Variants in FAM107B observed in about 807,000 individuals in gnomAD.
The protein encoded by FAM107B is family with sequence similarity 107 member B, also known as protein FAM107B.
Under a neutral mutation model 31.5 loss-of-function variants are expected in FAM107B, and 21 were observed. That is an observed-to-expected ratio of 0.67 (90% CI 0.47 to 0.96). The LOEUF (loss-of-function observed/expected upper bound fraction) is 0.96, where lower values mean the gene tolerates loss of function less well. Among genes scored for constraint, FAM107B ranks in the 40% least tolerant of loss-of-function variants. FAM107B has a pLI of 0.00. For synonymous variants in FAM107B, 157 were observed against 141.5 expected (o/e 1.11, Z -0.78); for missense variants, 452 against 377.1 (o/e 1.20, Z -1.64).
At chr10:14,770,106 T>C (rs1290847540) in intron 1 of FAM107B, among the ~76,000 whole-genome samples, 1 of 152,150 alleles carries the variant, frequency 6.6e-6, no homozygotes, top group Non-Finnish European at 1.5e-5. Context: ...ATTCTGCCTG[T>C]TTACCCAATG....
At chr10:14,542,193 G>A (rs1316809630) in intron 2 of FAM107B, among the ~76,000 whole-genome samples, 2 of 150,752 alleles carry the variant, frequency 1.3e-5, no homozygotes, top group Admixed American at 6.6e-5. Context: ...TCGCTTGAAC[G>A]CAGGAGGCAG....
At chr10:14,742,223 C>T (rs1459717358) in intron 1 of FAM107B, among the ~76,000 whole-genome samples, 1 of 151,946 alleles carries the variant, frequency 6.6e-6, no homozygotes, top group Non-Finnish European at 1.5e-5. Flanking sequence ...CTCAAGCAGT[C>T]CTCCCACCTT....
chr10:14,667,564 CT>C, intron 2 of FAM107B, 69 bp downstream of exon 2: 1 of 1,530,230 alleles, frequency 6.5e-7, no homozygotes, highest in South Asian at 1.2e-5. Flanking sequence ...TCTGAAAAGC[CT>C]TAGGATGCTC....
intron 1 of FAM107B, chr10:14,723,703 T>C: frequency 2.6e-6 from 2 of 756,032 alleles, no homozygotes; most frequent in South Asian, 2.7e-5. Context: ...AAGTCATGGC[T>C]CCCAGAAGGC....
chr10:14,723,875 C>T (rs1564273690), intron 1 of FAM107B: 2 of 753,978 alleles, frequency 2.7e-6, no homozygotes, highest in African/African-American at 1.7e-5. Context: ...GCATGAACTG[C>T]CAGCAGAAGC....
intron 2 of FAM107B, among the ~76,000 whole-genome samples, chr10:14,643,226 T>C (rs1454545376): frequency 2.0e-5 from 3 of 152,032 alleles, no homozygotes; most frequent in Non-Finnish European, 2.9e-5. Context: ...GTGGAGTTGA[T>C]GGCATAATTT....
In FAM107B at chr10:14,521,048, T is replaced by C. The variant is rs965630611; in HGVS notation, c.*142A>G. 16 of 692,926 alleles carry C rather than the reference T, an allele frequency of 2.3e-5. No individual in the cohort carries two copies. The highest frequency in any genetic ancestry group is 2.1e-4 in the Admixed American group (8 of 38,918). The allele number at this position is 692,926 out of a possible 1,614,324, so 42.9% of individuals were successfully genotyped here. A position where few individuals can be genotyped will look rare whatever the true frequency, so the allele number is the denominator to read the frequency against. On this transcript the variant is annotated 3_prime_UTR_variant, in exon 5 of 5. Coordinates refer to ENST00000181796, the MANE Select transcript of FAM107B (RefSeq NM_031453.4). ...ACAGGCAAGGCATCCACCCAGATCG[T>C]AGGAAAATCAAACCAAATCCTACTG...
At chr10:14,593,452 C>T (rs928383351) in intron 2 of FAM107B, among the ~76,000 whole-genome samples, 4 of 151,934 alleles carry the variant, frequency 2.6e-5, no homozygotes, top group Admixed American at 6.5e-5. Context: ...CTGAGGTGGG[C>T]GGATCACTTG....
At chr10:14,742,198 C>A (rs948015938) in intron 1 of FAM107B, among the ~76,000 whole-genome samples, 5 of 152,042 alleles carry the variant, frequency 3.3e-5, no homozygotes, top group African/African-American at 9.7e-5. Context: ...CTCACTGTAG[C>A]CTCAACCTCC....
chr10:14,637,958 AC>A (rs1853545232), intron 2 of FAM107B, among the ~76,000 whole-genome samples: 1 of 152,184 alleles, frequency 6.6e-6, no homozygotes. Flanking sequence ...CAAGCAGACA[AC>A]CTAGCCACGC....
chr10:14,639,672 T>C (rs1301794073), intron 2 of FAM107B, among the ~76,000 whole-genome samples: 1 of 152,186 alleles, frequency 6.6e-6, no homozygotes, highest in Admixed American at 6.5e-5. Context: ...GGTTATGGTA[T>C]TGTCCAGCTT....
intron 2 of FAM107B, among the ~76,000 whole-genome samples, chr10:14,572,736 A>ATTAT (rs1455058375): frequency 1.6e-4 from 14 of 86,468 alleles, no homozygotes; most frequent in African/African-American, 5.6e-4. Context: ...AAAAAAAAAA[A>ATTAT]ATTTATATAT....
In FAM107B at chr10:14,548,663, C is replaced by T. The variant is rs893889114; in HGVS notation, c.470-18148G>A. 2.1e-5 allele frequency: 21 copies of T among 985,234 alleles called. No individual in the cohort carries two copies. In the African/African-American group the frequency reaches 3.7e-4, roughly 17 times the overall value. The allele number at this position is 985,234 out of a possible 1,614,324, so 61.0% of individuals were successfully genotyped here. A position where few individuals can be genotyped will look rare whatever the true frequency, so the allele number is the denominator to read the frequency against. On this transcript the variant is annotated intron_variant, in intron 2 of 4. Coordinates refer to ENST00000181796, the MANE Select transcript of FAM107B (RefSeq NM_031453.4). The stretch of plus-strand genomic sequence containing the variant: ...GAAGGCAGGCACTCCCAGAAGCCCC[C>T]GGGGGCCTTCCTCCATCGCCTCATT...
chr10:14,655,083 G>A (rs1419601627), intron 2 of FAM107B, among the ~76,000 whole-genome samples: 2 of 152,214 alleles, frequency 1.3e-5, no homozygotes, highest in Non-Finnish European at 2.9e-5. Context: ...GGCATGTGCA[G>A]AGATTACATG....
chr10:14,547,264 T>C (rs998990326), intron 2 of FAM107B, among the ~76,000 whole-genome samples: 5 of 152,222 alleles, frequency 3.3e-5, no homozygotes, highest in Non-Finnish European at 7.3e-5. Flanking sequence ...TAGTAACGTA[T>C]GGCAGAGTAG....
intron 1 of FAM107B, among the ~76,000 whole-genome samples, chr10:14,743,492 C>T (rs749608988): frequency 2.5e-4 from 38 of 152,120 alleles, no homozygotes; most frequent in Non-Finnish European, 1.3e-4. Flanking sequence ...GTGGGTTTTA[C>T]ATTTAAGTCT....
chr10:14,549,991 C>T (rs939000798), intron 2 of FAM107B, among the ~76,000 whole-genome samples: 2 of 152,146 alleles, frequency 1.3e-5, no homozygotes, highest in Admixed American at 6.5e-5. Context: ...GCATAACAAC[C>T]GTTTTTCTTA....
intron 2 of FAM107B, among the ~76,000 whole-genome samples, chr10:14,577,274 G>T (rs1182464515): frequency 6.6e-6 from 1 of 152,188 alleles, no homozygotes. Context: ...AAGAAAGCAT[G>T]CTCATATTTG....
intron 1 of FAM107B, among the ~76,000 whole-genome samples, chr10:14,707,200 T>C (rs951019184): frequency 6.6e-6 from 1 of 151,974 alleles, no homozygotes; most frequent in African/African-American, 2.4e-5. Context: ...AGTGGTAAAT[T>C]TCACGTTATG....
Sources: gnomAD v4.1 joint callset for allele counts (sites outside exome capture counted in the v4.1 genomes callset) on GRCh38, gnomAD v4.1.1 for gene constraint, MANE v1.5 for transcripts, NCBI Gene and HGNC (gene_info 2026-07-23, HGNC 2026-07-21) for gene names.